Variants in NPTX1 observed in about 807,000 individuals in gnomAD.
The protein encoded by NPTX1 is neuronal pentraxin-1.
NPTX1 carries 12 observed loss-of-function variants against 38.7 expected under a neutral mutation model. The observed-to-expected ratio is 0.31, with a 90% confidence interval of 0.20 to 0.50. NPTX1 has a LOEUF of 0.50. Ranked by LOEUF, NPTX1 falls within the 20% of genes least tolerant of loss-of-function variation. The pLI, the probability that NPTX1 is intolerant of heterozygous loss-of-function variation, is 0.98. For synonymous variants in NPTX1, 272 were observed against 264.9 expected, an observed-to-expected ratio of 1.03 and a Z score of -0.26; for missense variants, 454 against 592.2, an observed-to-expected ratio of 0.77 and a Z score of 2.42.
Position 80,476,459 on chromosome 17 carries a change from C to T in NPTX1, c.-13G>A. The T allele has an allele frequency of 4.1e-6, 5 of 1,228,510 alleles. No individual in the cohort carries two copies. Among genetic ancestry groups the T allele is most frequent in the East Asian group, 3.5e-5 (1 of 28,250 alleles). The allele number at this position is 1,228,510 out of a possible 1,614,324, so 76.1% of individuals were successfully genotyped here. The stretch of plus-strand genomic sequence containing the variant: ...GGCCGGCCGGCATGGCTGCGGGCAC[C>T]GGGCGCTCCGGGCCCGGCTCGGCTC... On this transcript the variant is annotated 5_prime_UTR_variant, in exon 1 of 5. Coordinates refer to ENST00000306773, the MANE Select transcript of NPTX1 (RefSeq NM_002522.4). The surrounding 1 kb of genome is among the most constrained non-coding windows in gnomAD (Gnocchi z 6.3).
chr17:80,471,941 G>A (rs367777932), intron 3 of NPTX1, 30 bp from the exon 4 acceptor site: 1 of 1,589,288 alleles, frequency 6.3e-7, no homozygotes, highest in Non-Finnish European at 8.6e-7. Flanking sequence ...ACGCCAGCTG[G>A]TGAGTACAGG....
chr17:80,476,383 C>T lies in NPTX1; in HGVS notation c.64G>A (p.Ala22Thr). Residue 22 changes from alanine (A) to threonine (T), a missense_variant, in exon 1 of 5, where the codon GCC becomes ACC. This residue lies in a region of NPTX1 where 288 missense variants were observed against 318.4 expected (regional missense o/e 0.90). Coordinates refer to ENST00000306773, the MANE Select transcript of NPTX1 (RefSeq NM_002522.4). The surrounding 1 kb of genome is among the most constrained non-coding windows in gnomAD (Gnocchi z 6.3). ...LLALCLLGAG[A>T]QDFGPTRFIC... is the part of the protein sequence containing the mutation. Reference sequence around the variant, plus strand: ...AAGCGCGTCGGCCCGAAATCCTGGGCCCCGGCGCCCAGGAGGCAGAGGGCG... The same window carrying T: ...AAGCGCGTCGGCCCGAAATCCTGGGTCCCGGCGCCCAGGAGGCAGAGGGCG... 1.3e-6 allele frequency: 2 copies of T among 1,516,546 alleles called. No homozygotes were observed. Among genetic ancestry groups the T allele is most frequent in the Non-Finnish European group, 1.8e-6 (2 of 1,139,596 alleles). 93.9% of individuals were successfully genotyped at this position (1,516,546 alleles called of 1,614,324 possible).
chr17:80,471,597 G>A (rs1394201941), intron 4 of NPTX1, 135 bp downstream of exon 4: 5 of 1,409,094 alleles, frequency 3.5e-6, no homozygotes, highest in Non-Finnish European at 4.7e-6. Flanking sequence ...CACAGGCCTT[G>A]CCCAGCCTGC....
In NPTX1 at chr17:80,476,480, G is replaced by A; in HGVS notation, c.-34C>T. The A allele has an allele frequency of 8.7e-7, 1 of 1,150,074 alleles. No individual in the cohort carries two copies. The highest frequency in any genetic ancestry group is 1.1e-6 in the Non-Finnish European group (1 of 934,832). The allele number at this position is 1,150,074 out of a possible 1,614,324, so 71.2% of individuals were successfully genotyped here. A position where few individuals can be genotyped will look rare whatever the true frequency, so the allele number is the denominator to read the frequency against. The stretch of plus-strand genomic sequence containing the variant: ...GCACCGGGCGCTCCGGGCCCGGCTC[G>A]GCTCGGCTGGGGCTCGGCTCCGGCT... On this transcript the variant is annotated 5_prime_UTR_variant, in exon 1 of 5. Transcript: ENST00000306773. The surrounding 1 kb of genome is among the most constrained non-coding windows in gnomAD (Gnocchi z 6.3).
rs1301743299 is a variant in NPTX1, at chr17:80,475,943, G to A, written c.444+60C>T. On this transcript the variant is annotated intron_variant, in intron 1 of 4. Coordinates refer to ENST00000306773, the MANE Select transcript of NPTX1 (RefSeq NM_002522.4). This position sits in a 1 kb window ranked among gnomAD's most constrained non-coding sequence, Gnocchi z 6.5. ...GCCTGGCCGGGTAGGGAACGGGGTG[G>A]GGGAGGGCAGAGGGGCGAGCGAGCC... is the stretch of plus-strand genomic sequence containing the variant. 24 of 1,403,758 alleles carry A rather than the reference G, an allele frequency of 1.7e-5. No homozygotes were observed. Among genetic ancestry groups the A allele is most frequent in the African/African-American group, 4.4e-5 (3 of 68,054 alleles). The allele number at this position is 1,403,758 out of a possible 1,614,324, so 87.0% of individuals were successfully genotyped here.
chr17:80,471,097 A>G (rs2083839417), intron 4 of NPTX1, 63 bp from the exon 5 acceptor site: 1 of 1,330,488 alleles, frequency 7.5e-7, no homozygotes, highest in Non-Finnish European at 1.0e-6. Context: ...GCCCATCCCT[A>G]GGCCGGGGAT....
chr17:80,467,011 A>C lies in NPTX1; in HGVS notation c.*3802T>G, dbSNP rs1406639038. ...CCATTTGATACCCAAAAGGCTGCAG[A>C]TCATATGAAAAATGTACAGCTTTGG... On this transcript the variant is annotated 3_prime_UTR_variant, in exon 5 of 5. Transcript: ENST00000306773. 1 of 152,500 alleles carries C rather than the reference A, an allele frequency of 6.6e-6. No homozygotes were observed. The highest frequency in any genetic ancestry group is 1.5e-5 in the Non-Finnish European group (1 of 68,012). 9.4% of individuals were successfully genotyped at this position (152,500 alleles called of 1,614,324 possible).
Position 80,475,663 on chromosome 17 carries a change from T to C in NPTX1, c.500A>G (p.Gln167Arg). 6.2e-7 allele frequency: 1 copy of C among 1,613,204 alleles called. No homozygotes were observed. Among genetic ancestry groups the C allele is most frequent in the Non-Finnish European group, 8.5e-7 (1 of 1,179,806 alleles). The change falls in exon 2 of 5, where the codon CAG (glutamine) becomes CGG (arginine). Residue 167 changes from glutamine to arginine, a missense_variant. Coordinates refer to ENST00000306773, the MANE Select transcript of NPTX1 (RefSeq NM_002522.4). This position sits in a 1 kb window ranked among gnomAD's most constrained non-coding sequence, Gnocchi z 6.5. ...SQTNSLKDLL[Q>R]SKIDELERQV... ...CCTCTCCAGCTCATCGATCTTGCTC[T>C]GCAGCAGATCCTTGAGGCTGTTGGT... is the stretch of plus-strand genomic sequence containing the variant.
chr17:80,473,836 G>C, intron 2 of NPTX1: 1 of 239,760 alleles, frequency 4.2e-6, no homozygotes, highest in South Asian at 5.3e-5. Context: ...GGAGGAACGA[G>C]GCTAGCTACC....
In NPTX1 at chr17:80,475,462, C is replaced by A. The variant is rs778209737; in HGVS notation, c.652+49G>T. The A allele has an allele frequency of 2.2e-5, 34 of 1,513,794 alleles. No homozygotes were observed. The highest frequency in any genetic ancestry group is 2.3e-4 in the Middle Eastern group (1 of 4,394). The allele number at this position is 1,513,794 out of a possible 1,614,324, so 93.8% of individuals were successfully genotyped here. A position where few individuals can be genotyped will look rare whatever the true frequency, so the allele number is the denominator to read the frequency against. On this transcript the variant is annotated intron_variant, in intron 2 of 4. Transcript: ENST00000306773. The surrounding 1 kb of genome is among the most constrained non-coding windows in gnomAD (Gnocchi z 6.5). ...TTAGGGATCGGGACCGAGGCAGGGTCGGGCAAGCAGGTGCAGGCAGGCAGC... is the reference window on the plus strand; with the variant it reads ...TTAGGGATCGGGACCGAGGCAGGGTAGGGCAAGCAGGTGCAGGCAGGCAGC...
In NPTX1 at chr17:80,476,389, C is replaced by A. The variant is rs755804269; in HGVS notation, c.58G>T (p.Ala20Ser). The A allele has an allele frequency of 4.0e-6, 6 of 1,513,470 alleles. No homozygotes were observed. Among genetic ancestry groups the A allele is most frequent in the Non-Finnish European group, 5.3e-6 (6 of 1,138,444 alleles). 93.8% of individuals were successfully genotyped at this position (1,513,470 alleles called of 1,614,324 possible). Residue 20 changes from alanine to serine, a missense_variant, in exon 1 of 5, where the codon GCC becomes TCC. Transcript: ENST00000306773. The surrounding 1 kb of genome is among the most constrained non-coding windows in gnomAD (Gnocchi z 6.3). Reference protein sequence around the residue: ...CALLALCLLGAGAQDFGPTRF... With the variant: ...CALLALCLLGSGAQDFGPTRF... ...GTCGGCCCGAAATCCTGGGCCCCGGCGCCCAGGAGGCAGAGGGCGAGCAGC... is the reference window on the plus strand; with the variant it reads ...GTCGGCCCGAAATCCTGGGCCCCGGAGCCCAGGAGGCAGAGGGCGAGCAGC...
intron 4 of NPTX1, among the ~76,000 whole-genome samples, 198 bp downstream of exon 4, chr17:80,471,534 G>A (rs78142403): frequency 0.023 from 3,538 of 152,330 alleles, 151 homozygotes; most frequent in African/African-American, 0.081. Flanking sequence ...CTCTGAGAGC[G>A]TTGAAACCAG....
At position 80,470,401 on chromosome 17, in the gene NPTX1, T is replaced by C. The variant is rs1283555510; in HGVS notation, c.*412A>G. The stretch of plus-strand genomic sequence containing the variant: ...AGTTGGCAAATATGAATTTTCATCA[T>C]GAGATTTTTCCAAAGCCAGAAGAAA... On this transcript the variant is annotated 3_prime_UTR_variant, in exon 5 of 5. Coordinates refer to ENST00000306773, the MANE Select transcript of NPTX1 (RefSeq NM_002522.4). 1 of 157,282 alleles carries C rather than the reference T, an allele frequency of 6.4e-6. No homozygotes were observed. The highest frequency in any genetic ancestry group is 1.4e-5 in the Non-Finnish European group (1 of 71,706). 9.7% of individuals were successfully genotyped at this position (157,282 alleles called of 1,614,324 possible).
chr17:80,470,555 G>T lies in NPTX1; in HGVS notation c.*258C>A. The T allele has an allele frequency of 2.6e-6, 1 of 388,838 alleles. No homozygotes were observed. The highest frequency in any genetic ancestry group is 4.7e-6 in the Non-Finnish European group (1 of 211,700). The allele number at this position is 388,838 out of a possible 1,614,324, so 24.1% of individuals were successfully genotyped here. A position where few individuals can be genotyped will look rare whatever the true frequency, so the allele number is the denominator to read the frequency against. ...CTTCTGCCTTGTTCAAGACGTTGCAGCACCCACTTCAGCTGTGAATGGGGC... is the reference window on the plus strand; with the variant it reads ...CTTCTGCCTTGTTCAAGACGTTGCATCACCCACTTCAGCTGTGAATGGGGC... On this transcript the variant is annotated 3_prime_UTR_variant, in exon 5 of 5. Transcript: ENST00000306773.
rs2143040337 is a variant in NPTX1 at position 80,471,734 on chromosome 17, G to C, written c.1075C>G (p.Gln359Glu). ...CCCCACCACATCCAGCACAGTACCT[G>C]CTCCTGGCCCAGCACCAGCACGCCC... ...PQGVLVLGQE[Q>E]DTLGGGFDAT... The change falls in exon 4 of 5, where the codon CAG becomes GAG. Residue 359 changes from glutamine (Q) to glutamate (E), a missense_variant and splice_region_variant. Gln to Glu is a conservative substitution (Grantham distance 29). Transcript: ENST00000306773. 6.2e-7 allele frequency: 1 copy of C among 1,611,746 alleles called. No homozygotes were observed. Among genetic ancestry groups the C allele is most frequent in the Non-Finnish European group, 8.5e-7 (1 of 1,179,488 alleles).
intron 2 of NPTX1, chr17:80,473,868 CCAGGATGG>C: frequency 1.5e-5 from 3 of 205,692 alleles, no homozygotes; most frequent in Admixed American, 5.3e-5. Flanking sequence ...CGACCTGATT[CCAGGATGG>C]GGCGGGGCTC....
Position 80,473,355 on chromosome 17 carries a change from G to A in NPTX1, c.742C>T (p.Pro248Ser), listed in dbSNP as rs756070099. Reference protein sequence around the residue: ...YMYAKVKKSLPEMYAFTVCMW... With the variant: ...YMYAKVKKSLSEMYAFTVCMW... Reference sequence around the variant, plus strand: ...CAGACAGTGAAGGCGTACATCTCTGGCAGGCTCTTCTTCACCTTGGCATAC... The same window carrying A: ...CAGACAGTGAAGGCGTACATCTCTGACAGGCTCTTCTTCACCTTGGCATAC... Residue 248 changes from proline (P) to serine (S), a missense_variant, in exon 3 of 5, where the codon CCA (proline) becomes TCA (serine). Transcript: ENST00000306773. The A allele has an allele frequency of 6.2e-6, 10 of 1,614,038 alleles. No homozygotes were observed. In the South Asian group the frequency reaches 1.1e-4, roughly 18 times the overall value.
Position 80,476,258 on chromosome 17 carries a change from C to CT in NPTX1, c.188dup (p.Thr64AspfsTer109). 6.4e-7 allele frequency: 1 copy of CT among 1,557,108 alleles called. No individual in the cohort carries two copies. Among genetic ancestry groups the CT allele is most frequent in the Non-Finnish European group, 8.6e-7 (1 of 1,160,474 alleles). ...TGGTCTCCTTCTGCTGCAGCACCGT[C>CT]TCGCGGAGCTGCAGCACGCTGCTCC... On this transcript the variant is annotated frameshift_variant, in exon 1 of 5. Transcript: ENST00000306773. LOFTEE classifies it high-confidence loss of function. This position sits in a 1 kb window ranked among gnomAD's most constrained non-coding sequence, Gnocchi z 6.3.
rs756426058 is a variant in NPTX1, at chr17:80,476,133, C to G, written c.314G>C (p.Gly105Ala). 160 of 1,597,982 alleles carry G rather than the reference C, an allele frequency of 1.0e-4. No individual in the cohort carries two copies. Among genetic ancestry groups the G allele is most frequent in the Non-Finnish European group, 3.7e-5 (43 of 1,176,302 alleles). Residue 105 changes from glycine (G) to alanine (A), a missense_variant, in exon 1 of 5, where the codon GGC becomes GCC. By Grantham distance (60) the Gly-to-Ala change is moderately conservative. Coordinates refer to ENST00000306773, the MANE Select transcript of NPTX1 (RefSeq NM_002522.4). This position sits in a 1 kb window ranked among gnomAD's most constrained non-coding sequence, Gnocchi z 6.3. ...LDPGAGEARAGGGRKQPGSGK... is the reference protein window; with the variant it reads ...LDPGAGEARAAGGRKQPGSGK... ...CGAGCCGGGCTGCTTGCGGCCGCCG[C>G]CCGCCCGGGCCTCGCCGGCTCCGGG...
Sources: gnomAD v4.1 joint callset for allele counts (sites outside exome capture counted in the v4.1 genomes callset) on GRCh38, gnomAD v4.1.1 for gene constraint, gnomAD v4.1.1 regional missense constraint, Gnocchi (gnomAD v3.1) non-coding constraint, MANE v1.5 for transcripts, NCBI Gene and HGNC (gene_info 2026-07-23, HGNC 2026-07-21) for gene names.